CACNA1C: variants seen among roughly 807,000 people sequenced by gnomAD.
CACNA1C encodes the protein voltage-dependent L-type calcium channel subunit alpha-1C.
A neutral mutation model predicts 229.0 loss-of-function variants in CACNA1C; 30 were observed. The ratio of observed to expected loss-of-function variants is 0.13; its 90% CI spans 0.10 to 0.18. The LOEUF (loss-of-function observed/expected upper bound fraction) is 0.18. Among genes scored for constraint, CACNA1C ranks in the 10% least tolerant of loss-of-function variants. The pLI is 1.00. For synonymous variants in CACNA1C, 1,114 were observed against 1,132.5 expected, an observed-to-expected ratio of 0.98 and a Z score of 0.33; for missense variants, 1,658 against 2,845.0, an observed-to-expected ratio of 0.58 and a Z score of 9.49.
chr12:2,334,869 T>C (rs1398129717), intron 3 of CACNA1C, among the ~76,000 whole-genome samples: 1 of 152,220 alleles, frequency 6.6e-6, no homozygotes, highest in Non-Finnish European at 1.5e-5. Context: ...TGTCATGGTT[T>C]GGGGTTTCCA....
intron 7 of CACNA1C, among the ~76,000 whole-genome samples, chr12:2,503,933 T>A (rs183008370): frequency 5.3e-4 from 81 of 152,322 alleles, no homozygotes; most frequent in African/African-American, 1.7e-3. Context: ...TGGCCCACGG[T>A]CCAGGTGGCC....
intron 30 of CACNA1C, among the ~76,000 whole-genome samples, chr12:2,636,011 G>GC (rs1286729913): frequency 3.9e-5 from 6 of 152,202 alleles, no homozygotes; most frequent in Non-Finnish European, 7.3e-5. Flanking sequence ...AGCTGGATGA[G>GC]CCCCAAGTTG....
chr12:2,407,185 G>A (rs936851380), intron 3 of CACNA1C, among the ~76,000 whole-genome samples: 7 of 152,224 alleles, frequency 4.6e-5, no homozygotes, highest in African/African-American at 1.7e-4. Flanking sequence ...GACCTCCTCT[G>A]ACACCACTTC....
At chr12:2,188,249 T>C (rs1422186449) in intron 3 of CACNA1C, among the ~76,000 whole-genome samples, 1 of 152,204 alleles carries the variant, frequency 6.6e-6, no homozygotes, top group African/African-American at 2.4e-5. Flanking sequence ...TCAAATAGAA[T>C]ATATTTGCTA....
At position 2,037,905 on chromosome 12, in the gene CACNA1C, C is replaced by T. The variant is rs575447528; in HGVS notation, c.139+66704C>T. ...ACATTTAAGTTTGAGGCCCCCTGGTCTAGCCCACTGGAAAACAGAGTCCTT... is the reference window on the plus strand; with the variant it reads ...ACATTTAAGTTTGAGGCCCCCTGGTTTAGCCCACTGGAAAACAGAGTCCTT... On this transcript the variant is annotated intron_variant, in intron 1 of 46. Transcript: ENST00000682462. Among the ~76,000 whole-genome samples, 5 of 152,248 alleles carry T rather than the reference C, an allele frequency of 3.3e-5. No homozygotes were observed. In the South Asian group the frequency reaches 1.0e-3, roughly 32 times the overall value.
At chr12:2,115,140 T>A (rs577675952) in intron 1 of CACNA1C, 84 bp from the exon 2 acceptor site, 350 of 1,110,352 alleles carry the variant, frequency 3.2e-4, no homozygotes, top group Non-Finnish European at 4.2e-4. Flanking sequence ...TTTGAAAAAA[T>A]TGTGAATCTG....
intron 5 of CACNA1C, among the ~76,000 whole-genome samples, chr12:2,461,935 G>A (rs886886929): frequency 9.9e-5 from 15 of 152,054 alleles, no homozygotes; most frequent in African/African-American, 2.9e-4. Flanking sequence ...GCATTCAAAC[G>A]GCCCTCTGAA....
chr12:2,427,786 A>T (rs2099046818), intron 3 of CACNA1C, among the ~76,000 whole-genome samples: 1 of 151,690 alleles, frequency 6.6e-6, no homozygotes, highest in African/African-American at 2.4e-5. Context: ...ATGCCCACCT[A>T]ATTTTGTATT....
rs1473433565 is a variant in CACNA1C at position 2,565,412 on chromosome 12, A to T, written c.1509-1010A>T. ...AACCCGGGAAGCGGAGCTTGCAGTGAGCCGAGATTGCGCCACTGCAGTCCG... is the reference window on the plus strand; with the variant it reads ...AACCCGGGAAGCGGAGCTTGCAGTGTGCCGAGATTGCGCCACTGCAGTCCG... On this transcript the variant is annotated intron_variant, in intron 11 of 46. Transcript: ENST00000399655. Among the ~76,000 whole-genome samples, 4 of 147,084 alleles carry T rather than the reference A, an allele frequency of 2.7e-5. No individual in the cohort carries two copies. In the East Asian group the frequency reaches 6.1e-4, roughly 22 times the overall value.
intron 13 of CACNA1C, among the ~76,000 whole-genome samples, chr12:2,577,915 C>T (rs1402498727): frequency 2.0e-5 from 3 of 149,566 alleles, no homozygotes; most frequent in South Asian, 4.3e-4. Context: ...GTCGCCCAGG[C>T]TGGAGTGCAG....
At chr12:2,661,331 T>C (rs2095725746) in intron 34 of CACNA1C, among the ~76,000 whole-genome samples, 1 of 137,600 alleles carries the variant, frequency 7.3e-6, no homozygotes, top group Non-Finnish European at 1.6e-5. Flanking sequence ...TTTCTAAGAG[T>C]AGCAGACAAA....
chr12:2,136,127 C>A (rs577767007), intron 3 of CACNA1C, among the ~76,000 whole-genome samples: 1 of 151,528 alleles, frequency 6.6e-6, no homozygotes, highest in East Asian at 1.9e-4. Context: ...TGACCGCTTG[C>A]GCTTCCCAGG....
intron 30 of CACNA1C, among the ~76,000 whole-genome samples, chr12:2,638,280 C>T (rs2093136167): frequency 6.6e-6 from 1 of 152,182 alleles, no homozygotes; most frequent in Non-Finnish European, 1.5e-5. Flanking sequence ...ATAAGATGGG[C>T]TTCCTTAAGG....
chr12:2,656,839 C>T (rs144647100), intron 34 of CACNA1C, among the ~76,000 whole-genome samples: 4 of 152,204 alleles, frequency 2.6e-5, no homozygotes, highest in Non-Finnish European at 5.9e-5. Flanking sequence ...GAAAGAACAG[C>T]CTTGTTAATA....
chr12:2,072,536 G>T (rs1179641690), intron 1 of CACNA1C, among the ~76,000 whole-genome samples: 3 of 152,068 alleles, frequency 2.0e-5, no homozygotes, highest in African/African-American at 7.2e-5. Context: ...CTCCTTTATT[G>T]CCTCCTATTC....
rs57209927 is a variant in CACNA1C at position 2,400,415 on chromosome 12, T to C, written c.478-48561T>C. 4.6e-3 allele frequency among the ~76,000 whole-genome samples: 706 copies of C among 152,164 alleles called. 8 individuals carry two copies. Among genetic ancestry groups the C allele is most frequent in the African/African-American group, 0.016 (649 of 41,510 alleles). ...TAACTGACTCCATCTACCTACCAAG[T>C]TCTCATTAGGGTCAAAGCATGCGAT... On this transcript the variant is annotated intron_variant, in intron 3 of 46. Transcript: ENST00000399655.
In CACNA1C at chr12:2,597,040, G is replaced by A. The variant is rs144915499; in HGVS notation, c.2794-190G>A. Among the ~76,000 whole-genome samples, 8 of 152,032 alleles carry A rather than the reference G, an allele frequency of 5.3e-5. No individual in the cohort carries two copies. Among genetic ancestry groups the A allele is most frequent in the South Asian group, 2.1e-4 (1 of 4,810 alleles). On this transcript the variant is annotated intron_variant, in intron 20 of 46. Transcript: ENST00000399655. This position sits in a 1 kb window ranked among gnomAD's most constrained non-coding sequence, Gnocchi z 4.3. ...CGCTGTGCTGCCTGAGGCTAGCCCC[G>A]CCTCAGGATGTCTGTGTGTGTGCCG...
intron 1 of CACNA1C, among the ~76,000 whole-genome samples, chr12:2,037,671 G>C (rs1345454067): frequency 6.6e-6 from 1 of 152,164 alleles, no homozygotes; most frequent in Non-Finnish European, 1.5e-5. Flanking sequence ...ATCAGCTCAG[G>C]ATTGTAATTG....
intron 15 of CACNA1C, among the ~76,000 whole-genome samples, 165 bp from the exon 16 acceptor site, chr12:2,584,338 A>G (rs1365539819): frequency 6.6e-6 from 1 of 152,080 alleles, no homozygotes; most frequent in African/African-American, 2.4e-5. Context: ...ATGGGGAGGA[A>G]GGGGAGGGGA....
Sources: allele counts gnomAD v4.1 joint callset (sites outside exome capture counted in the v4.1 genomes callset), GRCh38; gene constraint gnomAD v4.1.1; non-coding constraint Gnocchi (gnomAD v3.1); transcripts MANE v1.5; gene names NCBI Gene and HGNC (gene_info 2026-07-23, HGNC 2026-07-21).